Variants in TSPO observed in about 807,000 individuals in gnomAD.
TSPO encodes benzodiazepine peripheral binding site.
TSPO carries 14 observed loss-of-function variants against 13.9 expected under a neutral mutation model. That is an observed-to-expected ratio of 1.01 (90% CI 0.67 to 1.58). The LOEUF (loss-of-function observed/expected upper bound fraction) is 1.58, where lower values mean the gene tolerates loss of function less well. TSPO is among the 40% of genes most tolerant of loss of function. TSPO has a pLI of 0.00. For synonymous variants in TSPO, 114 were observed against 105.9 expected (o/e 1.08, Z -0.47); for missense variants, 232 against 229.6 (o/e 1.01, Z -0.07).
intron 2 of TSPO, among the ~76,000 whole-genome samples, chr22:43,159,926 C>A (rs980570065): frequency 3.3e-5 from 5 of 152,158 alleles, no homozygotes; most frequent in Non-Finnish European, 7.4e-5. Flanking sequence ...GGAATTCCAC[C>A]CGGAAAGGAC....
chr22:43,157,671 A>G (rs1452657526), intron 1 of TSPO, among the ~76,000 whole-genome samples: 1 of 152,104 alleles, frequency 6.6e-6, no homozygotes, highest in Non-Finnish European at 1.5e-5. Context: ...CTCTACTAAC[A>G]ATACAAAAAT....
At chr22:43,161,258 T>A in intron 3 of TSPO, 68 bp downstream of exon 3, 1 of 1,559,592 alleles carries the variant, frequency 6.4e-7, no homozygotes, top group Non-Finnish European at 8.7e-7. Flanking sequence ...GGGCATCACA[T>A]ATGACACTGG....
In TSPO at chr22:43,153,341, T is replaced by TC. The variant is rs1931148925; in HGVS notation, c.-30+1737_-30+1738insC. Among the ~76,000 whole-genome samples, 12 of 22,054 alleles carry TC rather than the reference T, an allele frequency of 5.4e-4. 2 individuals carry two copies. The highest frequency in any genetic ancestry group is 2.2e-3 in the African/African-American group (12 of 5,466). The allele number at this position is 22,054 out of a possible 152,430, so 14.5% of individuals were successfully genotyped here. A position where few individuals can be genotyped will look rare whatever the true frequency, so the allele number is the denominator to read the frequency against. On this transcript the variant is annotated intron_variant, in intron 1 of 3. Coordinates refer to ENST00000337554, the MANE Select transcript of TSPO (RefSeq NM_000714.6). Reference sequence around the variant, plus strand: ...TCCTGGCTTATTTGTGTTTTCTTTTTTTTTTTTTTTTTTTTTTTTTTGAGA... The same window carrying TC: ...TCCTGGCTTATTTGTGTTTTCTTTTTCTTTTTTTTTTTTTTTTTTTTTGAGA...
rs1203682521 is a variant in TSPO, at chr22:43,157,686, C to A, written c.-29-1524C>A. Among the ~76,000 whole-genome samples, 13 of 152,188 alleles carry A rather than the reference C, an allele frequency of 8.5e-5. No individual in the cohort carries two copies. In the East Asian group the frequency reaches 2.5e-3, roughly 29 times the overall value. On this transcript the variant is annotated intron_variant, in intron 1 of 3. Coordinates refer to ENST00000337554, the MANE Select transcript of TSPO (RefSeq NM_000714.6). ...CTCTACTAACAATACAAAAATTAGC[C>A]CGGCATGGTGGCACATGCTGGTAAT...
In TSPO at chr22:43,163,026, CA is replaced by C. The variant is rs775460412; in HGVS notation, c.*36del. ...CCACCAGGGACTGCAGCTGCACCAG[CA>C]GGTGCCATCACGCTTGTGATGTGGT... On this transcript the variant is annotated 3_prime_UTR_variant, in exon 4 of 4. Transcript: ENST00000337554. The C allele has an allele frequency of 1.2e-5, 19 of 1,574,314 alleles. No homozygotes were observed. Among genetic ancestry groups the C allele is most frequent in the Non-Finnish European group, 8.6e-7 (1 of 1,160,324 alleles).
rs559860211 is a variant in TSPO at position 43,152,580 on chromosome 22, C to T, written c.-30+976C>T. Among the ~76,000 whole-genome samples the T allele has an allele frequency of 1.3e-4, 20 of 152,388 alleles. 1 individual carries two copies. The highest frequency in any genetic ancestry group is 4.8e-4 in the African/African-American group (20 of 41,596). On this transcript the variant is annotated intron_variant, in intron 1 of 3. Coordinates refer to ENST00000337554, the MANE Select transcript of TSPO (RefSeq NM_000714.6). ...CAGGGCAGCCTGAGGCAGGTTTCCA[C>T]TGGCGGTGAAAGGGGCCGTGTGGCA...
intron 2 of TSPO, among the ~76,000 whole-genome samples, chr22:43,160,811 T>C (rs1174260467): frequency 2.0e-5 from 3 of 152,250 alleles, no homozygotes; most frequent in African/African-American, 7.2e-5. Context: ...GTGATAATAA[T>C]GGCAGGTATT....
chr22:43,159,292 G>T lies in TSPO; in HGVS notation c.54G>T (p.Gly18=). The change falls in exon 2 of 4, where the codon GGG becomes GGT. Residue 18 remains glycine (G), a synonymous_variant. Coordinates refer to ENST00000337554, the MANE Select transcript of TSPO (RefSeq NM_000714.6). The stretch of plus-strand genomic sequence containing the variant: ...GCTTCACGCTGGCGCCCAGCCTGGG[G>T]TGCTTCGTGGGCTCCCGCTTTGTCC... ...AMGFTLAPSL[G]CFVGSRFVHG... 6.4e-7 allele frequency: 1 copy of T among 1,553,672 alleles called. No homozygotes were observed. The highest frequency in any genetic ancestry group is 8.7e-7 in the Non-Finnish European group (1 of 1,149,108).
chr22:43,154,387 C>T (rs1931187192), intron 1 of TSPO, among the ~76,000 whole-genome samples: 2 of 151,870 alleles, frequency 1.3e-5, no homozygotes, highest in Non-Finnish European at 2.9e-5. Context: ...GAGACAGAGT[C>T]TTGCTCTGTT....
chr22:43,152,221 G>A (rs1931095654), intron 1 of TSPO: 1 of 152,504 alleles, frequency 6.6e-6, no homozygotes, highest in African/African-American at 2.4e-5. Context: ...CGGAGCCCAG[G>A]TAGGAGAAGC....
chr22:43,158,509 T>C (rs1231414787), intron 1 of TSPO, among the ~76,000 whole-genome samples: 1 of 152,104 alleles, frequency 6.6e-6, no homozygotes, highest in African/African-American at 2.4e-5. Context: ...GGGAGCCATA[T>C]TGCCACCAGG....
At chr22:43,161,602 C>T (rs552536846) in intron 3 of TSPO, among the ~76,000 whole-genome samples, 2 of 152,136 alleles carry the variant, frequency 1.3e-5, no homozygotes, top group South Asian at 4.1e-4. Flanking sequence ...ATTCCCTTGC[C>T]TCAGCCTCCC....
rs753398897 is a variant in TSPO, at chr22:43,159,430, C to A, written c.182+10C>A. 2.0e-6 allele frequency: 3 copies of A among 1,495,260 alleles called. No homozygotes were observed. The South Asian group carries it at 3.8e-5, about 19-fold the overall frequency. The allele number at this position is 1,495,260 out of a possible 1,614,324, so 92.6% of individuals were successfully genotyped here. On this transcript the variant is annotated intron_variant, in intron 2 of 3. Transcript: ENST00000337554. ...TCTACTCAGCCATGGGGTAGGTGGGCGTGCACTGGCCTGGGGATAAGCCTG... is the reference window on the plus strand; with the variant it reads ...TCTACTCAGCCATGGGGTAGGTGGGAGTGCACTGGCCTGGGGATAAGCCTG...
chr22:43,162,310 C>A (rs368764025), intron 3 of TSPO, among the ~76,000 whole-genome samples: 2 of 151,858 alleles, frequency 1.3e-5, no homozygotes, highest in Non-Finnish European at 2.9e-5. Flanking sequence ...TTAGTAGAGA[C>A]GGGGTTTTAC....
At chr22:43,160,985 A>C (rs2147058077) in intron 2 of TSPO, 67 bp from the exon 3 acceptor site, 1 of 1,550,638 alleles carries the variant, frequency 6.4e-7, no homozygotes, top group Non-Finnish European at 8.7e-7. Context: ...TCACTGTGCC[A>C]CTCGGAGGTG....
intron 3 of TSPO, among the ~76,000 whole-genome samples, chr22:43,162,126 A>ATTT (rs34120993): frequency 7.2e-6 from 1 of 138,292 alleles, no homozygotes; most frequent in Admixed American, 7.2e-5. Flanking sequence ...AATTTTCTGT[A>ATTT]TTTTTTTTTT....
chr22:43,162,721 G>T, intron 3 of TSPO, 82 bp from the exon 4 acceptor site: 1 of 1,365,204 alleles, frequency 7.3e-7, no homozygotes, highest in Non-Finnish European at 9.8e-7. Flanking sequence ...CCCAAATCCA[G>T]TGGGAGTTGG....
At chr22:43,154,983 C>A (rs1425279290) in intron 1 of TSPO, among the ~76,000 whole-genome samples, 1 of 151,982 alleles carries the variant, frequency 6.6e-6, no homozygotes, top group Non-Finnish European at 1.5e-5. Context: ...GAGTGGCCTG[C>A]GGGTCCAATC....
At chr22:43,160,593 C>T (rs1467984885) in intron 2 of TSPO, among the ~76,000 whole-genome samples, 1 of 152,178 alleles carries the variant, frequency 6.6e-6, no homozygotes, top group Non-Finnish European at 1.5e-5. Context: ...CAGGCCTCCC[C>T]CTGGACCTCA....
Sources: allele counts gnomAD v4.1 joint callset (sites outside exome capture counted in the v4.1 genomes callset), GRCh38; gene constraint gnomAD v4.1.1; transcripts MANE v1.5; gene names NCBI Gene and HGNC (gene_info 2026-07-23, HGNC 2026-07-21).